RIPOR3: variants seen among roughly 807,000 people sequenced by gnomAD.
RIPOR3 encodes the protein family with sequence similarity 65 member C.
Under a neutral mutation model 114.3 loss-of-function variants are expected in RIPOR3, and 95 were observed. That is an observed-to-expected ratio of 0.83 (90% CI 0.70 to 0.99). The LOEUF (loss-of-function observed/expected upper bound fraction) is 0.99, where lower values mean the gene tolerates loss of function less well. Among genes scored for constraint, RIPOR3 ranks in the 50% least tolerant of loss-of-function variants. The pLI is 0.00. For synonymous variants in RIPOR3, 575 were observed against 543.8 expected (o/e 1.06, Z -0.80); for missense variants, 1,252 against 1,266.9 (o/e 0.99, Z 0.18).
chr20:50,666,183 ATTTCTTTTCTTTTCTTTTCT>A (rs60151515), intron 1 of RIPOR3, among the ~76,000 whole-genome samples: 10 of 43,734 alleles, frequency 2.3e-4, no homozygotes, highest in African/African-American at 5.4e-4. Flanking sequence ...AAGGACACCC[ATTTCTTTTCTTTTCTTTTCT>A]TTTCTTTTCT....
chr20:50,587,404 G>T (rs1465339586), intron 21 of RIPOR3, 72 bp from the exon 22 acceptor site: 1 of 1,326,930 alleles, frequency 7.5e-7, no homozygotes, highest in Non-Finnish European at 1.1e-6. Flanking sequence ...GGGCCAGGGT[G>T]GCCCTAGTGC....
chr20:50,597,435 TG>T, intron 14 of RIPOR3, 144 bp downstream of exon 14: 1 of 1,177,766 alleles, frequency 8.5e-7, no homozygotes, highest in Non-Finnish European at 1.2e-6. Flanking sequence ...GGGGATGGCA[TG>T]GGGAAGGGTG....
chr20:50,667,286 CTTTTTTTTTTTTTTT>C (rs139859156), intron 1 of RIPOR3, among the ~76,000 whole-genome samples: 4 of 67,540 alleles, frequency 5.9e-5, no homozygotes, highest in Non-Finnish European at 8.3e-5. Context: ...CTTTAAACTA[CTTTTTTTTTTTTTTT>C]TTTTTTTTTT....
At position 50,610,140 on chromosome 20, in the gene RIPOR3, C is replaced by CT. The variant is rs2083918463; in HGVS notation, c.427-419_427-418insA. On this transcript the variant is annotated intron_variant, in intron 6 of 21. Transcript: ENST00000327979. ...GCCACCCCGGCCTCACCTGCCACCCCGGCCTCACCTGCCACCCCTGCCAAC... is the reference window on the plus strand; with the variant it reads ...GCCACCCCGGCCTCACCTGCCACCCCTGGCCTCACCTGCCACCCCTGCCAAC... Among the ~76,000 whole-genome samples the CT allele has an allele frequency of 1.4e-4, 20 of 138,968 alleles. 2 individuals are homozygous for CT. Among genetic ancestry groups the CT allele is most frequent in the African/African-American group, 5.0e-4 (16 of 31,834 alleles). 91.2% of individuals were successfully genotyped at this position (138,968 alleles called of 152,430 possible).
chr20:50,596,261 T>A lies in RIPOR3; in HGVS notation c.1793A>T (p.Lys598Met), dbSNP rs116264080. 2,672 of 1,614,004 alleles carry A rather than the reference T, an allele frequency of 1.7e-3. 57 individuals carry two copies. The African/African-American group carries it at 0.032, about 19-fold the overall frequency. ...TGACGGTGGGGGCAGGGGCCGGTCC[T>A]TTCTGAGTTGAATTGAGAACTGGGT... The part of the protein sequence containing the change: ...SLFGGSQGLR[K>M]DRPLPPPSSL... The change falls in exon 15 of 22, where the codon AAG becomes ATG. Residue 598 changes from lysine (K) to methionine (M), a missense_variant and splice_region_variant. Coordinates refer to ENST00000327979, the MANE Select transcript of RIPOR3 (RefSeq NM_001290268.2).
chr20:50,643,412 C>T (rs886568253), intron 1 of RIPOR3, among the ~76,000 whole-genome samples: 3 of 149,220 alleles, frequency 2.0e-5, no homozygotes, highest in Non-Finnish European at 3.0e-5. Flanking sequence ...GTGGGGATTA[C>T]AGCTGTGAGC....
intron 1 of RIPOR3, among the ~76,000 whole-genome samples, chr20:50,644,922 C>A (rs527989342): frequency 6.6e-6 from 1 of 151,650 alleles, no homozygotes; most frequent in Admixed American, 6.6e-5. Flanking sequence ...TCATTGCAAC[C>A]TCCACCTCCG....
chr20:50,610,713 T>G, intron 6 of RIPOR3, 140 bp downstream of exon 6: 2 of 1,146,542 alleles, frequency 1.7e-6, no homozygotes, highest in Non-Finnish European at 1.3e-6. Flanking sequence ...CTGCTCATCC[T>G]TAGCCTCCTG....
chr20:50,620,042 T>C lies in RIPOR3; in HGVS notation c.213A>G (p.Ala71=). The C allele has an allele frequency of 1.2e-6, 2 of 1,614,186 alleles. No individual in the cohort carries two copies. The highest frequency in any genetic ancestry group is 1.3e-5 in the African/African-American group (1 of 75,066). The change falls in exon 3 of 22, where the codon GCA becomes GCG. Residue 71 remains alanine, a synonymous_variant. Transcript: ENST00000327979. ...YGTLRKGSVC[A]DPKPQQVKKI... ...TCTTCACCTGCTGGGGCTTCGGGTC[T>C]GCACAGACCGACCCCTTCCGCAGCG...
chr20:50,648,032 T>C (rs929640912), intron 1 of RIPOR3, among the ~76,000 whole-genome samples: 11 of 152,012 alleles, frequency 7.2e-5, no homozygotes, highest in Middle Eastern at 3.4e-3. Flanking sequence ...TCCTAGCATT[T>C]TGGGAGGCCA....
At chr20:50,591,539 G>A (rs998057334) in intron 19 of RIPOR3, among the ~76,000 whole-genome samples, 8 of 152,194 alleles carry the variant, frequency 5.3e-5, no homozygotes, top group African/African-American at 1.7e-4. Flanking sequence ...CAAAGTAGGC[G>A]GATGGGCTCC....
rs115091562 is a variant in RIPOR3 at position 50,591,556 on chromosome 20, G to A, written c.2577+788C>T. Among the ~76,000 whole-genome samples, 404 of 152,272 alleles carry A rather than the reference G, an allele frequency of 2.7e-3. 4 individuals are homozygous for A. The highest frequency in any genetic ancestry group is 9.4e-3 in the African/African-American group (390 of 41,546). ...AAGTAGGCGGATGGGCTCCAAGAAG[G>A]GCTATTGGCAATGGAACTGGAGATT... On this transcript the variant is annotated intron_variant, in intron 19 of 21. Coordinates refer to ENST00000327979, the MANE Select transcript of RIPOR3 (RefSeq NM_001290268.2).
In RIPOR3 at chr20:50,600,927, A is replaced by G. The variant is rs575864248; in HGVS notation, c.1659+1145T>C. ...ATTAAACTTTTTTTCCCCTATGTTG[A>G]TTTGTCCTGTTGGAGGTGTGGTTGG... On this transcript the variant is annotated intron_variant, in intron 13 of 21. Coordinates refer to ENST00000327979, the MANE Select transcript of RIPOR3 (RefSeq NM_001290268.2). 7.9e-5 allele frequency among the ~76,000 whole-genome samples: 12 copies of G among 152,292 alleles called. No homozygotes were observed. In the South Asian group the frequency reaches 2.5e-3, roughly 32 times the overall value.
At chr20:50,678,682 AG>A (rs1360758692) in intron 1 of RIPOR3, among the ~76,000 whole-genome samples, 1 of 152,194 alleles carries the variant, frequency 6.6e-6, no homozygotes, top group African/African-American at 2.4e-5. Flanking sequence ...TCAAGTGTCA[AG>A]GGAGGAAGAG....
At chr20:50,678,604 A>G (rs2086752873) in intron 1 of RIPOR3, among the ~76,000 whole-genome samples, 1 of 152,148 alleles carries the variant, frequency 6.6e-6, no homozygotes, top group South Asian at 2.1e-4. Flanking sequence ...ATCACAAAAG[A>G]TCGGAACTGA....
intron 11 of RIPOR3, among the ~76,000 whole-genome samples, chr20:50,605,216 G>A (rs2083663222): frequency 6.6e-6 from 1 of 152,080 alleles, no homozygotes; most frequent in Non-Finnish European, 1.5e-5. Flanking sequence ...TACAGGCCAT[G>A]AGCCACTGAG....
chr20:50,591,118 GA>G (rs979793864), intron 19 of RIPOR3, among the ~76,000 whole-genome samples: 2 of 152,022 alleles, frequency 1.3e-5, no homozygotes, highest in African/African-American at 2.4e-5. Flanking sequence ...AAGAAACGGG[GA>G]AAAAAACCTT....
intron 20 of RIPOR3, 141 bp downstream of exon 20, chr20:50,589,545 C>T (rs779170404): frequency 4.4e-5 from 35 of 799,622 alleles, no homozygotes; most frequent in Non-Finnish European, 6.5e-5. Flanking sequence ...ATCTGCCTGC[C>T]TTGGCCTCCC....
chr20:50,587,742 T>A, intron 21 of RIPOR3, 60 bp downstream of exon 21: 1 of 1,537,858 alleles, frequency 6.5e-7, no homozygotes, highest in African/African-American at 1.4e-5. Context: ...GTGTGGCCTC[T>A]CGCAGATTCT....
Sources: gnomAD v4.1 joint callset for allele counts (sites outside exome capture counted in the v4.1 genomes callset) on GRCh38, gnomAD v4.1.1 for gene constraint, MANE v1.5 for transcripts, NCBI Gene and HGNC (gene_info 2026-07-23, HGNC 2026-07-21) for gene names.